Variants in ITGA9 observed in about 807,000 individuals in gnomAD.
ITGA9 encodes the protein integrin subunit alpha 9.
ITGA9 carries 56 observed loss-of-function variants against 127.8 expected under a neutral mutation model. The ratio of observed to expected loss-of-function variants is 0.44; its 90% CI spans 0.35 to 0.55. ITGA9 has a LOEUF of 0.55. Among genes scored for constraint, ITGA9 ranks in the 20% least tolerant of loss-of-function variants. ITGA9 has a pLI of 0.00. For synonymous variants in ITGA9, 508 were observed against 514.5 expected, an observed-to-expected ratio of 0.99 and a Z score of 0.17; for missense variants, 1,196 against 1,347.1, an observed-to-expected ratio of 0.89 and a Z score of 1.76.
intron 21 of ITGA9, among the ~76,000 whole-genome samples, chr3:37,742,708 T>C (rs1696453218): frequency 6.6e-6 from 1 of 152,198 alleles, no homozygotes; most frequent in Admixed American, 6.5e-5. Context: ...CAGCCTTGAT[T>C]AGCAGTAGAA....
At chr3:37,592,842 T>A (rs934325304) in intron 15 of ITGA9, among the ~76,000 whole-genome samples, 3 of 152,144 alleles carry the variant, frequency 2.0e-5, no homozygotes, top group African/African-American at 4.8e-5. Flanking sequence ...GCTGTAAGAA[T>A]GTTTTGTGAA....
At chr3:37,637,599 T>G (rs1334608602) in intron 16 of ITGA9, among the ~76,000 whole-genome samples, 1 of 152,186 alleles carries the variant, frequency 6.6e-6, no homozygotes, top group Non-Finnish European at 1.5e-5. Context: ...TTTGAGAAAA[T>G]TCTTGGGCCC....
intron 15 of ITGA9, among the ~76,000 whole-genome samples, chr3:37,586,776 C>T (rs1436349214): frequency 1.3e-5 from 2 of 152,224 alleles, no homozygotes; most frequent in Non-Finnish European, 2.9e-5. Flanking sequence ...GCCTGTGAGG[C>T]TCACTGAGGA....
At chr3:37,475,174 C>T (rs1162933806) in intron 3 of ITGA9, among the ~76,000 whole-genome samples, 2 of 152,252 alleles carry the variant, frequency 1.3e-5, no homozygotes, top group Non-Finnish European at 2.9e-5. Flanking sequence ...CAAATGGGCC[C>T]CAGAGGGGCT....
At chr3:37,803,741 T>C (rs771032293) in intron 26 of ITGA9, 82 bp from the exon 27 acceptor site, 83 of 1,552,652 alleles carry the variant, frequency 5.3e-5, no homozygotes, top group Non-Finnish European at 7.1e-5. Flanking sequence ...GCCATTGCAC[T>C]CCAGCCTGGG....
At chr3:37,467,187 C>T (rs972607) in intron 1 of ITGA9, among the ~76,000 whole-genome samples, 7,276 of 152,258 alleles carry the variant, frequency 0.048, 244 homozygotes, top group Non-Finnish European at 0.072. Context: ...CGTGCCACCT[C>T]GTGAGTGTCA....
At chr3:37,787,951 G>C (rs1206435202) in intron 26 of ITGA9, among the ~76,000 whole-genome samples, 1 of 152,166 alleles carries the variant, frequency 6.6e-6, no homozygotes, top group Admixed American at 6.5e-5. Context: ...ATTTTCCTGT[G>C]ATCTTTTTTA....
Position 37,819,156 on chromosome 3 carries a change from G to T in ITGA9, c.*167G>T. The T allele has an allele frequency of 1.5e-6, 1 of 665,618 alleles. No homozygotes were observed. The highest frequency in any genetic ancestry group is 2.7e-6 in the Non-Finnish European group (1 of 365,772). 41.2% of individuals were successfully genotyped at this position (665,618 alleles called of 1,614,324 possible). ...GGTGCCAGCCTGAGGCAGCCACTTC[G>T]GCCAGGTCACACGACCGGGGCCAGC... is the stretch of plus-strand genomic sequence containing the variant. On this transcript the variant is annotated 3_prime_UTR_variant, in exon 28 of 28. Coordinates refer to ENST00000264741, the MANE Select transcript of ITGA9 (RefSeq NM_002207.3).
At chr3:37,511,526 G>C (rs1431179720) in intron 8 of ITGA9, among the ~76,000 whole-genome samples, 1 of 152,176 alleles carries the variant, frequency 6.6e-6, no homozygotes, top group Non-Finnish European at 1.5e-5. Context: ...TTCCCCTGGG[G>C]CTCAGCCAGT....
At chr3:37,647,855 A>G (rs944686743) in intron 16 of ITGA9, among the ~76,000 whole-genome samples, 8 of 151,988 alleles carry the variant, frequency 5.3e-5, no homozygotes, top group Middle Eastern at 3.4e-3. Context: ...ATATATGTGT[A>G]TATATATATG....
At chr3:37,474,161 G>A (rs1320865695) in intron 3 of ITGA9, among the ~76,000 whole-genome samples, 3 of 152,118 alleles carry the variant, frequency 2.0e-5, no homozygotes, top group African/African-American at 7.2e-5. Context: ...TTGATCCGTA[G>A]GTGCTTTGAG....
chr3:37,812,231 C>G (rs541157038), intron 27 of ITGA9, among the ~76,000 whole-genome samples: 1 of 152,164 alleles, frequency 6.6e-6, no homozygotes, highest in African/African-American at 2.4e-5. Flanking sequence ...GTTGCACTGT[C>G]GACATCTCGA....
chr3:37,714,713 C>G (rs1038110582), intron 18 of ITGA9, among the ~76,000 whole-genome samples: 1 of 152,224 alleles, frequency 6.6e-6, no homozygotes, highest in Non-Finnish European at 1.5e-5. Flanking sequence ...GGGCTCCTCC[C>G]CAGACCTATT....
intron 15 of ITGA9, among the ~76,000 whole-genome samples, chr3:37,593,731 T>C (rs1038196693): frequency 6.6e-6 from 1 of 152,198 alleles, no homozygotes; most frequent in African/African-American, 2.4e-5. Context: ...CCAGTGGCGA[T>C]GTCTCCCCAG....
intron 26 of ITGA9, among the ~76,000 whole-genome samples, chr3:37,796,207 T>C (rs941435023): frequency 1.3e-5 from 2 of 152,084 alleles, no homozygotes; most frequent in Non-Finnish European, 2.9e-5. Flanking sequence ...AAACTTCTGC[T>C]TGTCCTTTCA....
chr3:37,572,774 A>T (rs1699614241), intron 15 of ITGA9, among the ~76,000 whole-genome samples: 1 of 152,222 alleles, frequency 6.6e-6, no homozygotes, highest in Non-Finnish European at 1.5e-5. Flanking sequence ...AGAGAAAATC[A>T]GCTGGAGGGA....
intron 23 of ITGA9, among the ~76,000 whole-genome samples, chr3:37,759,440 A>G (rs779570340): frequency 3.3e-5 from 5 of 152,210 alleles, no homozygotes; most frequent in Admixed American, 3.3e-4. Flanking sequence ...GCTATTACAA[A>G]TGTTTAAAGA....
intron 22 of ITGA9, 129 bp from the exon 23 acceptor site, chr3:37,750,333 A>G (rs967719029): frequency 7.2e-6 from 5 of 690,758 alleles, no homozygotes; most frequent in Non-Finnish European, 1.3e-5. Context: ...TCAAGTTGTG[A>G]CCTTCCAGAT....
intron 18 of ITGA9, among the ~76,000 whole-genome samples, chr3:37,708,289 G>A: frequency 6.6e-6 from 1 of 152,154 alleles, no homozygotes; most frequent in East Asian, 1.9e-4. Context: ...GAAGTTCCAA[G>A]GCTTTTTGAA....
Sources: gnomAD v4.1 joint callset for allele counts (sites outside exome capture counted in the v4.1 genomes callset) on GRCh38, gnomAD v4.1.1 for gene constraint, MANE v1.5 for transcripts, NCBI Gene and HGNC (gene_info 2026-07-23, HGNC 2026-07-21) for gene names.